Variants in SLC7A1 observed in about 807,000 individuals in gnomAD.
SLC7A1 encodes high affinity cationic amino acid transporter 1.
SLC7A1 carries 10 observed loss-of-function variants against 53.9 expected under a neutral mutation model. The ratio of observed to expected loss-of-function variants is 0.19; its 90% confidence interval spans 0.11 to 0.31. The LOEUF is 0.31. SLC7A1 is among the 10% of genes least tolerant of loss of function. SLC7A1 has a pLI of 1.00. For synonymous variants in SLC7A1, 342 were observed against 338.7 expected, an observed-to-expected ratio of 1.01 and a Z score of -0.11; for missense variants, 525 against 827.2, an observed-to-expected ratio of 0.63 and a Z score of 4.48.
chr13:29,590,286 C>T (rs912692472), intron 1 of SLC7A1, among the ~76,000 whole-genome samples: 18 of 152,258 alleles, frequency 1.2e-4, no homozygotes, highest in African/African-American at 4.3e-4. Flanking sequence ...TTTTCTAAAA[C>T]CCAAGGGCTT....
At chr13:29,580,857 C>A (rs1871616318) in intron 1 of SLC7A1, among the ~76,000 whole-genome samples, 1 of 151,982 alleles carries the variant, frequency 6.6e-6, no homozygotes, top group African/African-American at 2.4e-5. Context: ...GGATTTTCAA[C>A]AAGGCAATAC....
At chr13:29,527,422 A>G (rs964858084) in intron 5 of SLC7A1, among the ~76,000 whole-genome samples, 2 of 152,124 alleles carry the variant, frequency 1.3e-5, no homozygotes, top group Non-Finnish European at 2.9e-5. Context: ...ACACAAAATA[A>G]CCACAGAATC....
chr13:29,514,211 C>T lies in SLC7A1; in HGVS notation c.*269G>A, dbSNP rs1883485112. On this transcript the variant is annotated 3_prime_UTR_variant, in exon 13 of 13. Coordinates refer to ENST00000380752, the MANE Select transcript of SLC7A1 (RefSeq NM_003045.5). ...GGCTGAGCTGGTAGGGGAGGAACTG[C>T]TTTGTTCAGAGAAGTGAGGAGACAC... is the stretch of plus-strand genomic sequence containing the variant. 2 of 494,954 alleles carry T rather than the reference C, an allele frequency of 4.0e-6. No individual in the cohort carries two copies. The highest frequency in any genetic ancestry group is 1.9e-5 in the African/African-American group (1 of 51,812). The allele number at this position is 494,954 out of a possible 1,614,324, so 30.7% of individuals were successfully genotyped here.
intron 2 of SLC7A1, among the ~76,000 whole-genome samples, chr13:29,548,618 G>A (rs1870033891): frequency 6.6e-6 from 1 of 152,182 alleles, no homozygotes; most frequent in South Asian, 2.1e-4. Flanking sequence ...ACACCGGAGG[G>A]GAAAAATACA....
chr13:29,535,933 CGCCATAGCACAG>C lies in SLC7A1; in HGVS notation c.244_255del (p.Leu82_Gly85del). On this transcript the variant is annotated inframe_deletion, in exon 3 of 13. Transcript: ENST00000380752. ...GTCTTGGGGACCCGAGCACCAAACT[CGCCATAGCACAG>C]GCCAGCCAGCACTGAGGCCAGCGCA... 6.2e-7 allele frequency: 1 copy of C among 1,614,170 alleles called. No individual in the cohort carries two copies. The highest frequency in any genetic ancestry group is 8.5e-7 in the Non-Finnish European group (1 of 1,180,042).
At position 29,524,187 on chromosome 13, in the gene SLC7A1, C is replaced by G; in HGVS notation, c.771G>C (p.Ser257=). ...FMPFGFSGVL[S]GAATCFYAFV... Reference sequence around the variant, plus strand: ...AGGCATAGAAGCAAGTCGCTGCCCCCGACAGGACACCAGAGAACCCGAAGG... The same window carrying G: ...AGGCATAGAAGCAAGTCGCTGCCCCGGACAGGACACCAGAGAACCCGAAGG... The change falls in exon 6 of 13, where the codon TCG becomes TCC. Residue 257 remains serine (S), a synonymous_variant. Coordinates refer to ENST00000380752, the MANE Select transcript of SLC7A1 (RefSeq NM_003045.5). 1 of 1,614,078 alleles carries G rather than the reference C, an allele frequency of 6.2e-7. No homozygotes were observed.
intron 11 of SLC7A1, 121 bp from the exon 12 acceptor site, chr13:29,516,367 AAGAG>A (rs1883554988): frequency 7.5e-6 from 5 of 667,410 alleles, no homozygotes; most frequent in African/African-American, 3.6e-5. Context: ...GAGTGTGGGG[AAGAG>A]AGAGGGAGTG....
chr13:29,540,807 G>A (rs1216652496), intron 2 of SLC7A1, among the ~76,000 whole-genome samples: 5 of 152,194 alleles, frequency 3.3e-5, no homozygotes, highest in Admixed American at 2.0e-4. Context: ...TTTCACCCTC[G>A]CAGGAGAAAG....
chr13:29,523,887 A>G (rs766575798), intron 6 of SLC7A1, among the ~76,000 whole-genome samples: 1 of 152,226 alleles, frequency 6.6e-6, no homozygotes, highest in Non-Finnish European at 1.5e-5. Context: ...CCACACAGCT[A>G]TGATCCCATT....
intron 2 of SLC7A1, among the ~76,000 whole-genome samples, chr13:29,540,622 CA>C (rs1178877972): frequency 6.6e-6 from 1 of 152,236 alleles, no homozygotes; most frequent in African/African-American, 2.4e-5. Context: ...CAGGAGGAGT[CA>C]AAAGCAAGCT....
Position 29,537,881 on chromosome 13 carries a change from C to T in SLC7A1, c.-14-1679G>A, listed in dbSNP as rs1356561773. On this transcript the variant is annotated intron_variant, in intron 2 of 12. Transcript: ENST00000380752. The stretch of plus-strand genomic sequence containing the variant: ...TTGAGATAACAAGTCTAGAAAAGTC[C>T]GTGCCTAACGACTTGAACACTTCCC... 3.3e-5 allele frequency among the ~76,000 whole-genome samples: 5 copies of T among 152,180 alleles called. No individual in the cohort carries two copies. The East Asian group carries it at 5.8e-4, about 18-fold the overall frequency.
At chr13:29,534,994 G>C (rs981005666) in intron 3 of SLC7A1, among the ~76,000 whole-genome samples, 5 of 152,168 alleles carry the variant, frequency 3.3e-5, no homozygotes, top group Admixed American at 6.5e-5. Flanking sequence ...CTTATTTGCT[G>C]GGTGGATGTG....
At chr13:29,517,333 C>A in intron 10 of SLC7A1, 23 bp from the exon 11 acceptor site, 1 of 1,590,428 alleles carries the variant, frequency 6.3e-7, no homozygotes, top group Non-Finnish European at 8.6e-7. Context: ...GAAAAGACAG[C>A]AAGCTGCAAC....
chr13:29,536,609 C>G (rs1869432165), intron 2 of SLC7A1, among the ~76,000 whole-genome samples: 1 of 152,164 alleles, frequency 6.6e-6, no homozygotes, highest in African/African-American at 2.4e-5. Context: ...TAATAGAAAG[C>G]AAACCAAACC....
chr13:29,519,185 G>A (rs986093270), intron 9 of SLC7A1, among the ~76,000 whole-genome samples: 1 of 152,082 alleles, frequency 6.6e-6, no homozygotes, highest in Admixed American at 6.5e-5. Context: ...TAGTTGGACC[G>A]AGAATCTGTC....
At chr13:29,572,332 G>A (rs1485111708) in intron 1 of SLC7A1, among the ~76,000 whole-genome samples, 2 of 152,210 alleles carry the variant, frequency 1.3e-5, no homozygotes, top group Non-Finnish European at 2.9e-5. Context: ...TCTACTCCAC[G>A]CACACGCTGT....
In SLC7A1 at chr13:29,522,401, C is replaced by T. The variant is rs777687486; in HGVS notation, c.1105G>A (p.Gly369Arg). The T allele has an allele frequency of 4.3e-6, 7 of 1,613,944 alleles. No individual in the cohort carries two copies. The African/African-American group carries it at 8.0e-5, about 18-fold the overall frequency. The change falls in exon 8 of 13, where the codon GGA becomes AGA. Residue 369 changes from glycine (G) to arginine (R), a missense_variant. Gly to Arg is a moderately radical substitution (Grantham distance 125). Coordinates refer to ENST00000380752, the MANE Select transcript of SLC7A1 (RefSeq NM_003045.5). ...PRVIYAMAED[G>R]LLFKFLANVN... Reference sequence around the variant, plus strand: ...TTGGCTAAGAATTTAAATAGCAGTCCATCCTCAGCCATGGCATAGATAACC... The same window carrying T: ...TTGGCTAAGAATTTAAATAGCAGTCTATCCTCAGCCATGGCATAGATAACC...
intron 2 of SLC7A1, among the ~76,000 whole-genome samples, chr13:29,538,413 G>C (rs1869521225): frequency 6.6e-6 from 1 of 152,220 alleles, no homozygotes; most frequent in Non-Finnish European, 1.5e-5. Flanking sequence ...CAGAGAGATG[G>C]ATGGCTTCCC....
chr13:29,583,677 C>T lies in SLC7A1; in HGVS notation c.-115+11739G>A, dbSNP rs144812441. 9.8e-3 allele frequency among the ~76,000 whole-genome samples: 1,500 copies of T among 152,294 alleles called. 23 individuals carry two copies. Among genetic ancestry groups the T allele is most frequent in the African/African-American group, 0.035 (1,452 of 41,552 alleles). ...CCAAGAAACATGAGACGGCAATGCC[C>T]TCACCTTGACTCATCAGACCACAGA... On this transcript the variant is annotated intron_variant, in intron 1 of 12. Transcript: ENST00000380752.
Sources: allele counts gnomAD v4.1 joint callset (sites outside exome capture counted in the v4.1 genomes callset), GRCh38; gene constraint gnomAD v4.1.1; transcripts MANE v1.5; gene names NCBI Gene and HGNC (gene_info 2026-07-23, HGNC 2026-07-21).